CPXM2: variants seen among roughly 807,000 people sequenced by gnomAD.
The protein encoded by CPXM2 is carboxypeptidase X, M14 family member 2, also known as inactive carboxypeptidase-like protein X2.
Under a neutral mutation model 86.1 loss-of-function variants are expected in CPXM2, and 66 were observed. The ratio of observed to expected loss-of-function variants is 0.77; its 90% CI spans 0.63 to 0.94. CPXM2 has a LOEUF of 0.94. Among genes scored for constraint, CPXM2 ranks in the 40% least tolerant of loss-of-function variants. The pLI, the probability that CPXM2 is intolerant of heterozygous loss-of-function variation, is 0.00. For missense variants in CPXM2, 948 were observed against 1,026.3 expected (o/e 0.92, Z 1.04); for synonymous variants, 388 against 400.2 (o/e 0.97, Z 0.36).
Position 123,754,725 on chromosome 10 carries a change from TGTGAA to T in CPXM2, c.1950_1954del (p.Asp650GlufsTer16). The T allele has an allele frequency of 6.2e-7, 1 of 1,611,648 alleles. No individual in the cohort carries two copies. The highest frequency in any genetic ancestry group is 1.1e-5 in the South Asian group (1 of 91,034). On this transcript the variant is annotated frameshift_variant, in exon 13 of 14. Transcript: ENST00000241305. LOFTEE classifies it high-confidence loss of function. The surrounding 1 kb of genome is among the most constrained non-coding windows in gnomAD (Gnocchi z 4.0). The stretch of plus-strand genomic sequence containing the variant: ...AATGGCGTTTGGGATTCCTTTTCCA[TGTGAA>T]TCTCTCACCAAGCCTTTAATGCCAC...
chr10:123,768,289 G>A (rs377672893), intron 9 of CPXM2, among the ~76,000 whole-genome samples: 10 of 152,004 alleles, frequency 6.6e-5, no homozygotes, highest in South Asian at 4.1e-4. Flanking sequence ...GAGGCAAATC[G>A]CTTGAATCCA....
chr10:123,834,332 G>C (rs1329715486), intron 4 of CPXM2, among the ~76,000 whole-genome samples: 1 of 152,234 alleles, frequency 6.6e-6, no homozygotes, highest in East Asian at 1.9e-4. Flanking sequence ...CCTGTGCAGG[G>C]CTCTAATCTA....
At chr10:123,840,816 AG>A (rs1848371569) in intron 4 of CPXM2, among the ~76,000 whole-genome samples, 2 of 152,232 alleles carry the variant, frequency 1.3e-5, no homozygotes, top group Non-Finnish European at 2.9e-5. Context: ...TCCCCTTTGC[AG>A]GGACAATGAC....
At chr10:123,772,767 T>G (rs1846675385) in intron 7 of CPXM2, among the ~76,000 whole-genome samples, 1 of 151,928 alleles carries the variant, frequency 6.6e-6, no homozygotes, top group South Asian at 2.1e-4. Flanking sequence ...TCATTGTGGT[T>G]ATCAGCTCCC....
intron 10 of CPXM2, among the ~76,000 whole-genome samples, chr10:123,766,446 T>C (rs1846473403): frequency 1.3e-5 from 2 of 152,318 alleles, no homozygotes; most frequent in African/African-American, 2.4e-5. Flanking sequence ...AGCTCAACTA[T>C]GATGACCAGG....
upstream of CPXM2, among the ~76,000 whole-genome samples, chr10:123,941,583 C>T (rs1564827907): frequency 6.6e-6 from 1 of 152,244 alleles, no homozygotes; most frequent in Non-Finnish European, 1.5e-5. Context: ...TCGCAACATA[C>T]ATTTTTGGAG....
rs1199815957 is a variant in CPXM2, at chr10:123,809,684, G to A, written c.654-10485C>T. ...TTATTATCTCCATTTTACAGATGAA[G>A]AACCTGAGACACATAGGTATCCTAT... On this transcript the variant is annotated intron_variant, in intron 4 of 13. Transcript: ENST00000241305. Among the ~76,000 whole-genome samples, 4 of 147,196 alleles carry A rather than the reference G, an allele frequency of 2.7e-5. No individual in the cohort carries two copies. The East Asian group carries it at 8.0e-4, about 29-fold the overall frequency.
At chr10:123,849,188 GTTTT>G (rs1848552039) in intron 3 of CPXM2, among the ~76,000 whole-genome samples, 2 of 152,020 alleles carry the variant, frequency 1.3e-5, no homozygotes, top group Admixed American at 6.6e-5. Flanking sequence ...TCGGTTTTGT[GTTTT>G]TTGTGTTTTT....
At chr10:123,778,269 G>A (rs1310407079) in intron 7 of CPXM2, among the ~76,000 whole-genome samples, 1 of 152,288 alleles carries the variant, frequency 6.6e-6, no homozygotes, top group Middle Eastern at 3.4e-3. Flanking sequence ...TTTCCTGAGG[G>A]AGAAAGATTT....
intron 7 of CPXM2, among the ~76,000 whole-genome samples, chr10:123,779,280 A>G (rs1589990078): frequency 6.6e-6 from 1 of 152,348 alleles, no homozygotes; most frequent in Non-Finnish European, 1.5e-5. Flanking sequence ...ACAGGATTTC[A>G]TAGGCACCGC....
chr10:123,923,946 T>TTA (rs1945600928), intron 2 of CPXM2, among the ~76,000 whole-genome samples: 1 of 152,214 alleles, frequency 6.6e-6, no homozygotes, highest in Non-Finnish European at 1.5e-5. Flanking sequence ...CTTTTGTAAA[T>TTA]CACAGTCTCA....
At chr10:123,931,115 T>A (rs1945663096) in intron 2 of CPXM2, among the ~76,000 whole-genome samples, 1 of 152,190 alleles carries the variant, frequency 6.6e-6, no homozygotes, top group Admixed American at 6.5e-5. Flanking sequence ...GGGAAGGGAC[T>A]GACCACTACC....
intron 3 of CPXM2, among the ~76,000 whole-genome samples, chr10:123,852,314 C>T (rs900629438): frequency 4.6e-5 from 7 of 152,034 alleles, no homozygotes; most frequent in South Asian, 2.1e-4. Flanking sequence ...AAAGCATGCC[C>T]GACTCCCTTC....
At chr10:123,772,295 C>G (rs1245799772) in intron 7 of CPXM2, among the ~76,000 whole-genome samples, 1 of 151,818 alleles carries the variant, frequency 6.6e-6, no homozygotes, top group Non-Finnish European at 1.5e-5. Flanking sequence ...TCTCACCTCC[C>G]TGGTTGTAGT....
intron 2 of CPXM2, among the ~76,000 whole-genome samples, chr10:123,935,143 G>C (rs1945703152): frequency 6.6e-6 from 1 of 152,178 alleles, no homozygotes; most frequent in Non-Finnish European, 1.5e-5. Context: ...GCCTGTCAGA[G>C]CCTGCTGCAT....
intron 4 of CPXM2, among the ~76,000 whole-genome samples, chr10:123,800,466 G>T (rs955260784): frequency 6.6e-6 from 1 of 152,078 alleles, no homozygotes; most frequent in Admixed American, 6.6e-5. Flanking sequence ...TCCTTCCTTT[G>T]CCCTGGAAAA....
chr10:123,794,384 A>C (rs1407273542), intron 6 of CPXM2, among the ~76,000 whole-genome samples: 3 of 152,202 alleles, frequency 2.0e-5, no homozygotes, highest in African/African-American at 7.2e-5. Flanking sequence ...AGTATCTTGA[A>C]GGTCATTTGC....
Position 123,752,665 on chromosome 10 carries a change from C to A in CPXM2, c.2017+1998G>T, listed in dbSNP as rs79349543. 3,931 of 975,734 alleles carry A rather than the reference C, an allele frequency of 4.0e-3. 126 individuals are homozygous for A. In the African/African-American group the frequency reaches 0.065, roughly 16 times the overall value. 60.4% of individuals were successfully genotyped at this position (975,734 alleles called of 1,614,324 possible). A position where few individuals can be genotyped will look rare whatever the true frequency, so the allele number is the denominator to read the frequency against. ...AGTTTGCAGAGAAGGAGCCTCTCCTCCCTGTTCAAGAAAAATGGCATGGAA... is the reference window on the plus strand; with the variant it reads ...AGTTTGCAGAGAAGGAGCCTCTCCTACCTGTTCAAGAAAAATGGCATGGAA... On this transcript the variant is annotated intron_variant, in intron 13 of 13. Coordinates refer to ENST00000241305, the MANE Select transcript of CPXM2 (RefSeq NM_198148.3).
intron 3 of CPXM2, among the ~76,000 whole-genome samples, chr10:123,847,026 G>T (rs1415841513): frequency 6.6e-6 from 1 of 152,112 alleles, no homozygotes; most frequent in African/African-American, 2.4e-5. Flanking sequence ...GGCTCAGTAA[G>T]TAGGAAGCAA....
Sources: allele counts gnomAD v4.1 joint callset (sites outside exome capture counted in the v4.1 genomes callset), GRCh38; gene constraint gnomAD v4.1.1; non-coding constraint Gnocchi (gnomAD v3.1); transcripts MANE v1.5; gene names NCBI Gene and HGNC (gene_info 2026-07-23, HGNC 2026-07-21).